Variants in MYOF observed in about 807,000 individuals in gnomAD.
The protein encoded by MYOF is myoferlin.
MYOF carries 244 observed loss-of-function variants against 284.2 expected under a neutral mutation model. That is an observed-to-expected ratio of 0.86 (90% CI 0.77 to 0.95). The LOEUF is 0.95. Among genes scored for constraint, MYOF ranks in the 40% least tolerant of loss-of-function variants. The pLI is 0.00. For synonymous variants in MYOF, 904 were observed against 919.7 expected (o/e 0.98, Z 0.31); for missense variants, 2,496 against 2,560.6 (o/e 0.97, Z 0.54).
chr10:93,398,428 G>C (rs1466940998), intron 13 of MYOF, among the ~76,000 whole-genome samples: 1 of 152,146 alleles, frequency 6.6e-6, no homozygotes, highest in East Asian at 1.9e-4. Context: ...TTGTTTGCTT[G>C]TTTATTGTCT....
chr10:93,345,274 C>T (rs1241928875), intron 37 of MYOF, among the ~76,000 whole-genome samples: 3 of 152,176 alleles, frequency 2.0e-5, no homozygotes, highest in Non-Finnish European at 4.4e-5. Context: ...GAATATGTGC[C>T]ATTATCCCTG....
At chr10:93,388,695 T>C (rs921594714) in intron 18 of MYOF, among the ~76,000 whole-genome samples, 1 of 152,174 alleles carries the variant, frequency 6.6e-6, no homozygotes, top group African/African-American at 2.4e-5. Flanking sequence ...AGATCAAGGG[T>C]AATAAAGGGT....
intron 22 of MYOF, among the ~76,000 whole-genome samples, chr10:93,375,384 G>A (rs1273479828): frequency 6.6e-6 from 1 of 152,182 alleles, no homozygotes; most frequent in African/African-American, 2.4e-5. Context: ...AGGGAATCCT[G>A]GGCCTTTAAG....
At chr10:93,390,973 C>G (rs1429079290) in intron 17 of MYOF, among the ~76,000 whole-genome samples, 4 of 152,170 alleles carry the variant, frequency 2.6e-5, no homozygotes, top group African/African-American at 9.7e-5. Context: ...AGATTTAACC[C>G]CAGATCTTGA....
At chr10:93,325,484 T>TA (rs1011080998) in intron 46 of MYOF, among the ~76,000 whole-genome samples, 2 of 152,148 alleles carry the variant, frequency 1.3e-5, no homozygotes, top group Admixed American at 1.3e-4. Context: ...GGGGCTGCAT[T>TA]ACAACACACA....
chr10:93,349,585 T>C (rs1844405939), intron 36 of MYOF, among the ~76,000 whole-genome samples: 1 of 152,222 alleles, frequency 6.6e-6, no homozygotes, highest in South Asian at 2.1e-4. Context: ...TAAGTATTGC[T>C]CACAGATATT....
intron 18 of MYOF, among the ~76,000 whole-genome samples, chr10:93,388,335 A>G: frequency 6.6e-6 from 1 of 152,178 alleles, no homozygotes; most frequent in Non-Finnish European, 1.5e-5. Context: ...CAGAATAGGG[A>G]GGCTGCCATG....
At chr10:93,375,711 G>A (rs995253822) in intron 22 of MYOF, among the ~76,000 whole-genome samples, 1 of 152,150 alleles carries the variant, frequency 6.6e-6, no homozygotes, top group African/African-American at 2.4e-5. Flanking sequence ...TCATCATCTC[G>A]TTGTCATCTT....
chr10:93,427,079 G>A (rs1203153845), intron 4 of MYOF, among the ~76,000 whole-genome samples: 4 of 150,814 alleles, frequency 2.7e-5, no homozygotes, highest in Non-Finnish European at 5.9e-5. Context: ...GTAGAGATGG[G>A]GTTTCATCTT....
At chr10:93,387,582 C>G (rs577123027) in intron 19 of MYOF, among the ~76,000 whole-genome samples, 1 of 152,190 alleles carries the variant, frequency 6.6e-6, no homozygotes, top group Non-Finnish European at 1.5e-5. Flanking sequence ...AGTTAGCAAA[C>G]AGGTCATTCA....
At chr10:93,350,521 C>G (rs117757845) in intron 35 of MYOF, among the ~76,000 whole-genome samples, 2 of 152,094 alleles carry the variant, frequency 1.3e-5, no homozygotes, top group African/African-American at 4.8e-5. Flanking sequence ...CCATGTTGAC[C>G]GGGTTGGCCT....
chr10:93,449,399 C>G (rs2056527648), intron 3 of MYOF, among the ~76,000 whole-genome samples: 1 of 152,140 alleles, frequency 6.6e-6, no homozygotes, highest in African/African-American at 2.4e-5. Context: ...ACAGTGGTAC[C>G]ATTTGCAGAA....
chr10:93,376,505 A>G (rs1419702095), intron 22 of MYOF, among the ~76,000 whole-genome samples: 4 of 122,090 alleles, frequency 3.3e-5, no homozygotes, highest in Non-Finnish European at 6.5e-5. Context: ...TTCAGAACTT[A>G]AACAAGCACC....
chr10:93,418,646 G>T (rs993312395), intron 5 of MYOF, among the ~76,000 whole-genome samples: 1 of 152,176 alleles, frequency 6.6e-6, no homozygotes, highest in Non-Finnish European at 1.5e-5. Context: ...CAAAATGTAC[G>T]ACTGCAGCGT....
chr10:93,465,179 T>C (rs2177491), intron 1 of MYOF, among the ~76,000 whole-genome samples: 148,020 of 152,302 alleles, frequency 0.97, 72,066 homozygotes, highest in East Asian at 1. Flanking sequence ...TTAGAGGTCA[T>C]ACAGCTAGTA....
rs369487360 is a variant in MYOF, at chr10:93,316,788, G to A, written c.5624C>T (p.Thr1875Met). The A allele has an allele frequency of 2.8e-5, 45 of 1,613,624 alleles. No individual in the cohort carries two copies. The highest frequency in any genetic ancestry group is 1.6e-4 in the East Asian group (7 of 44,866). ...CAGCCTGGGTGGGATTCGAAATTCC[G>A]TTTGGTCAATACTCCAGAAATGCTC... ...KKEHFWSIDQ[T>M]EFRIPPRLII... is the part of the protein sequence containing the mutation. The change falls in exon 50 of 54, where the codon ACG becomes ATG. Residue 1875 changes from threonine (T) to methionine (M), a missense_variant. Around this residue, in one of 3 missense-constraint regions of MYOF, gnomAD observed 2,436 missense variants for 2,480.7 expected, o/e 0.98. Coordinates refer to ENST00000359263, the MANE Select transcript of MYOF (RefSeq NM_013451.4).
intron 3 of MYOF, among the ~76,000 whole-genome samples, chr10:93,434,666 AT>A (rs1005603409): frequency 6.6e-6 from 1 of 151,502 alleles, no homozygotes; most frequent in Non-Finnish European, 1.5e-5. Flanking sequence ...TATTGTTATT[AT>A]TTTTTTCTCA....
chr10:93,457,294 A>C (rs1289748457), intron 1 of MYOF, among the ~76,000 whole-genome samples: 1 of 152,194 alleles, frequency 6.6e-6, no homozygotes, highest in Non-Finnish European at 1.5e-5. Flanking sequence ...ATTGAGGCTC[A>C]AAGAGTTAAG....
At chr10:93,474,989 T>C (rs1207551301) in intron 1 of MYOF, among the ~76,000 whole-genome samples, 1 of 152,132 alleles carries the variant, frequency 6.6e-6, no homozygotes, top group Non-Finnish European at 1.5e-5. Flanking sequence ...CCTCAGGTGA[T>C]CTGTCCACCT....
Sources: gnomAD v4.1 joint callset for allele counts (sites outside exome capture counted in the v4.1 genomes callset) on GRCh38, gnomAD v4.1.1 for gene constraint, gnomAD v4.1.1 regional missense constraint, MANE v1.5 for transcripts, NCBI Gene and HGNC (gene_info 2026-07-23, HGNC 2026-07-21) for gene names.